TCHH: variants seen among roughly 807,000 people sequenced by gnomAD.
TCHH encodes trichohyalin.
Under a neutral mutation model 6.3 loss-of-function variants are expected in TCHH, and 6 were observed. The observed-to-expected ratio is 0.95, with a 90% CI of 0.52 to 1.88. The LOEUF (loss-of-function observed/expected upper bound fraction) is 1.88. TCHH is among the 40% of genes most tolerant of loss of function. The pLI is 0.01. For missense variants in TCHH, 2,920 were observed against 2,449.1 expected (o/e 1.19, Z -4.06); for synonymous variants, 1,087 against 963.6 (o/e 1.13, Z -2.37).
rs369507275 is a variant in TCHH at position 152,108,826 on chromosome 1, C to T, written c.4391G>A (p.Arg1464His). ...TTCCTGGAGCAGCTGTTCCTCTTCG[C>T]GGAATTTTCTGTGACGCTCCTGGCG... Reference protein sequence around the residue: ...QLRQERHRKFREEEQLLQERE... With the variant: ...QLRQERHRKFHEEEQLLQERE... Residue 1464 changes from arginine (R) to histidine (H), a missense_variant, in exon 3 of 3, where the codon CGC becomes CAC. Transcript: ENST00000614923. 2.2e-5 allele frequency: 36 copies of T among 1,610,524 alleles called. No homozygotes were observed. The East Asian group carries it at 5.6e-4, about 25-fold the overall frequency.
chr1:152,111,452 G>A lies in TCHH; in HGVS notation c.1765C>T (p.Arg589Trp). 1.9e-6 allele frequency: 3 copies of A among 1,607,556 alleles called. No individual in the cohort carries two copies. Among genetic ancestry groups the A allele is most frequent in the Non-Finnish European group, 1.7e-6 (2 of 1,178,532 alleles). ...LKREEERRQQ[R>W]LKREQEERLE... ...CTCTCTTCCTGCTCGCGCTTCAGCC[G>A]CTGCTGGCGCCTCTCCTCCTCGCGC... The change falls in exon 3 of 3, where the codon CGG (arginine) becomes TGG (tryptophan). Residue 589 changes from arginine (R) to tryptophan (W), a missense_variant. Arg to Trp is a moderately radical substitution (Grantham distance 101). Coordinates refer to ENST00000614923, the MANE Select transcript of TCHH (RefSeq NM_007113.4).
In TCHH at chr1:152,110,100, C is replaced by T. The variant is rs775883612; in HGVS notation, c.3117G>A (p.Glu1039=). The change falls in exon 3 of 3, where the codon GAG becomes GAA. Residue 1039 remains glutamate, a synonymous_variant. Coordinates refer to ENST00000614923, the MANE Select transcript of TCHH (RefSeq NM_007113.4). The stretch of plus-strand genomic sequence containing the variant: ...TCTCCCGCTCCTGGAGTCTTCTTTT[C>T]TCCCGTTCCTCTCTCAGCAGCTGCT... ...EEEQLLREER[E]KRRLQERERQ... The T allele has an allele frequency of 4.3e-6, 7 of 1,612,122 alleles. No individual in the cohort carries two copies. Among genetic ancestry groups the T allele is most frequent in the South Asian group, 1.1e-5 (1 of 90,960 alleles).
chr1:152,112,561 C>T lies in TCHH; in HGVS notation c.656G>A (p.Arg219Lys), dbSNP rs1658415200. 1 of 1,613,478 alleles carries T rather than the reference C, an allele frequency of 6.2e-7. No individual in the cohort carries two copies. The highest frequency in any genetic ancestry group is 1.3e-5 in the African/African-American group (1 of 74,884). The change falls in exon 3 of 3, where the codon AGG becomes AAG. Residue 219 changes from arginine to lysine, a missense_variant. Arg to Lys is a conservative substitution (Grantham distance 26). Coordinates refer to ENST00000614923, the MANE Select transcript of TCHH (RefSeq NM_007113.4). The stretch of plus-strand genomic sequence containing the variant: ...CTGTTTCTCCTCGCGGCCCTTCCTC[C>T]TCAGCTCCAGCAGCTCCCGCCTTCG... The part of the protein sequence containing the change: ...QLRRRELLEL[R>K]RKGREEKQQQ...
At position 152,106,750 on chromosome 1, in the gene TCHH, C is replaced by A. The variant is rs1290714779; in HGVS notation, c.*635G>T. Reference sequence around the variant, plus strand: ...GTTTAAAAAAAATCTAATTTAAATTCTAAATCTTCAAAGCTAAACCTATTC... The same window carrying A: ...GTTTAAAAAAAATCTAATTTAAATTATAAATCTTCAAAGCTAAACCTATTC... On this transcript the variant is annotated 3_prime_UTR_variant, in exon 3 of 3. Transcript: ENST00000614923. 6.6e-6 allele frequency: 1 copy of A among 152,156 alleles called. No individual in the cohort carries two copies. The highest frequency in any genetic ancestry group is 2.4e-5 in the African/African-American group (1 of 41,414). The allele number at this position is 152,156 out of a possible 1,614,324, so 9.4% of individuals were successfully genotyped here. A position where few individuals can be genotyped will look rare whatever the true frequency, so the allele number is the denominator to read the frequency against.
At position 152,107,176 on chromosome 1, in the gene TCHH, T is replaced by C; in HGVS notation, c.*209A>G. 2.2e-6 allele frequency: 1 copy of C among 458,466 alleles called. No homozygotes were observed. The highest frequency in any genetic ancestry group is 7.2e-5 in the South Asian group (1 of 13,960). The allele number at this position is 458,466 out of a possible 1,614,324, so 28.4% of individuals were successfully genotyped here. On this transcript the variant is annotated 3_prime_UTR_variant, in exon 3 of 3. Coordinates refer to ENST00000614923, the MANE Select transcript of TCHH (RefSeq NM_007113.4). Reference sequence around the variant, plus strand: ...CATCAAAGAGCAAAAGAAAGACATCTTGCAGTAAAGAACTACTTGAGGAAG... The same window carrying C: ...CATCAAAGAGCAAAAGAAAGACATCCTGCAGTAAAGAACTACTTGAGGAAG...
Position 152,110,919 on chromosome 1 carries a change from G to A in TCHH, c.2298C>T (p.Asp766=), listed in dbSNP as rs375678995. ...CCTCCGCCTGCCACTGCCATGTGAAGTCCCGGCGCTGCTCCTCTTCCTGCT... is the reference window on the plus strand; with the variant it reads ...CCTCCGCCTGCCACTGCCATGTGAAATCCCGGCGCTGCTCCTCTTCCTGCT... The part of the protein sequence containing the change: ...RQQQEEEQRR[D]FTWQWQAEEK... The change falls in exon 3 of 3, where the codon GAC becomes GAT. Residue 766 remains aspartate (D), a synonymous_variant. Transcript: ENST00000614923. The A allele has an allele frequency of 3.1e-5, 50 of 1,612,976 alleles. 1 individual carries two copies. The East Asian group carries it at 1.1e-3, about 35-fold the overall frequency.
Position 152,108,242 on chromosome 1 carries a change from G to C in TCHH, c.4975C>G (p.Gln1659Glu). 1.9e-6 allele frequency: 3 copies of C among 1,598,608 alleles called. No individual in the cohort carries two copies. Among genetic ancestry groups the C allele is most frequent in the South Asian group, 1.1e-5 (1 of 90,416 alleles). The change falls in exon 3 of 3, where the codon CAA (glutamine) becomes GAA (glutamate). Residue 1659 changes from glutamine (Q) to glutamate (E), a missense_variant. Coordinates refer to ENST00000614923, the MANE Select transcript of TCHH (RefSeq NM_007113.4). ...EPQLRRQERE[Q>E]QLRHDRDRKF... Reference sequence around the variant, plus strand: ...CTGTCGCGGTCGTGACGCAGCTGTTGTTCGCGCTCCTGGCGGCGCAGCTGC... The same window carrying C: ...CTGTCGCGGTCGTGACGCAGCTGTTCTTCGCGCTCCTGGCGGCGCAGCTGC...
rs772322710 is a variant in TCHH at position 152,107,510 on chromosome 1, A to AT, written c.5706dup (p.Ser1903IlefsTer30). 1.9e-6 allele frequency: 3 copies of AT among 1,613,982 alleles called. No homozygotes were observed. Among genetic ancestry groups the AT allele is most frequent in the Non-Finnish European group, 2.5e-6 (3 of 1,179,992 alleles). On this transcript the variant is annotated frameshift_variant, in exon 3 of 3. Transcript: ENST00000614923. LOFTEE classifies it high-confidence loss of function. ...CGCCCATGGCCCTTCCCTTCTTGGG[A>AT]TTTTATCTCCCCGACTTGGCGGTGC...
At position 152,108,647 on chromosome 1, in the gene TCHH, G is replaced by T. The variant is rs778009179; in HGVS notation, c.4570C>A (p.Leu1524Met). 6.2e-7 allele frequency: 1 copy of T among 1,611,560 alleles called. No homozygotes were observed. The highest frequency in any genetic ancestry group is 2.2e-5 in the East Asian group (1 of 44,450). The stretch of plus-strand genomic sequence containing the variant: ...TTTCTCTGCCGTTGCTGGCGGTGCA[G>T]CTGCTGTTCCTCCTCGAGGAATTTT... ...ERKFLEEEQQ[L>M]HRQQRQRKFL... The change falls in exon 3 of 3, where the codon CTG (leucine) becomes ATG (methionine). Residue 1524 changes from leucine (L) to methionine (M), a missense_variant. Transcript: ENST00000614923.
At position 152,112,580 on chromosome 1, in the gene TCHH, G is replaced by A. The variant is rs962629036; in HGVS notation, c.637C>T (p.Arg213Trp). The A allele has an allele frequency of 3.1e-6, 5 of 1,613,230 alleles. No individual in the cohort carries two copies. The highest frequency in any genetic ancestry group is 4.2e-6 in the Non-Finnish European group (5 of 1,179,970). Reference protein sequence around the residue: ...EFPDEEQLRRRELLELRRKGR... With the variant: ...EFPDEEQLRRWELLELRRKGR... ...TTCCTCCTCAGCTCCAGCAGCTCCC[G>A]CCTTCGCAGTTGCTCTTCGTCTGGA... The change falls in exon 3 of 3, where the codon CGG becomes TGG. Residue 213 changes from arginine (R) to tryptophan (W), a missense_variant. Arg to Trp is a moderately radical substitution (Grantham distance 101). Coordinates refer to ENST00000614923, the MANE Select transcript of TCHH (RefSeq NM_007113.4).
chr1:152,112,570 AGCAGCTCCC>A lies in TCHH; in HGVS notation c.638_646del (p.Arg213_Leu215del). 1 of 1,613,186 alleles carries A rather than the reference AGCAGCTCCC, an allele frequency of 6.2e-7. No individual in the cohort carries two copies. The highest frequency in any genetic ancestry group is 8.5e-7 in the Non-Finnish European group (1 of 1,179,930). ...CTCGCGGCCCTTCCTCCTCAGCTCC[AGCAGCTCCC>A]GCCTTCGCAGTTGCTCTTCGTCTGG... is the stretch of plus-strand genomic sequence containing the variant. On this transcript the variant is annotated inframe_deletion, in exon 3 of 3. Coordinates refer to ENST00000614923, the MANE Select transcript of TCHH (RefSeq NM_007113.4).
intron 1 of TCHH, among the ~76,000 whole-genome samples, chr1:152,114,412 G>A (rs2101535641): frequency 6.6e-6 from 1 of 152,266 alleles, no homozygotes; most frequent in East Asian, 1.9e-4. Flanking sequence ...CCGTATTTCA[G>A]AGTAGAAAAT....
In TCHH at chr1:152,111,656, G is replaced by A. The variant is rs1290824843; in HGVS notation, c.1561C>T (p.Arg521Cys). The change falls in exon 3 of 3, where the codon CGC becomes TGC. Residue 521 changes from arginine (R) to cysteine (C), a missense_variant. Transcript: ENST00000614923. ...QEERREQRLKRQEEEERLQQR... is the reference protein window; with the variant it reads ...QEERREQRLKCQEEEERLQQR... ...TGGAGCCTCTCTTCCTCCTCCTGGC[G>A]CTTCAGCCGCTGCTCGCGCCTCTCC... 3 of 1,546,784 alleles carry A rather than the reference G, an allele frequency of 1.9e-6. No individual in the cohort carries two copies. Among genetic ancestry groups the A allele is most frequent in the Admixed American group, 3.6e-5 (2 of 55,742 alleles).
chr1:152,111,417 C>T lies in TCHH; in HGVS notation c.1800G>A (p.Gln600=). 6.2e-7 allele frequency: 1 copy of T among 1,611,220 alleles called. No individual in the cohort carries two copies. The highest frequency in any genetic ancestry group is 8.5e-7 in the Non-Finnish European group (1 of 1,179,240). ...TCTCCACCTCCTCGCGCTTCAGTCG[C>T]TGCTCGAGCCTCTCTTCCTGCTCGC... ...LKREQEERLE[Q]RLKREEVERL... The change falls in exon 3 of 3, where the codon CAG becomes CAA. Residue 600 remains glutamine, a synonymous_variant. Coordinates refer to ENST00000614923, the MANE Select transcript of TCHH (RefSeq NM_007113.4).
In TCHH at chr1:152,109,175, T is replaced by A. The variant is rs1472238369; in HGVS notation, c.4042A>T (p.Arg1348Trp). 5 of 1,613,602 alleles carry A rather than the reference T, an allele frequency of 3.1e-6. No individual in the cohort carries two copies. The highest frequency in any genetic ancestry group is 2.5e-6 in the Non-Finnish European group (3 of 1,179,730). ...FREEEQLLQE[R>W]EEQPLRRQER... is the part of the protein sequence containing the mutation. ...TGGCGGCGCAGCGGCTGTTCCTCCC[T>A]TTCCTGGAGCAGCTGTTCCTCCTCG... The change falls in exon 3 of 3, where the codon AGG (arginine) becomes TGG (tryptophan). Residue 1348 changes from arginine to tryptophan, a missense_variant. Arg to Trp is a moderately radical substitution (Grantham distance 101). Transcript: ENST00000614923.
chr1:152,112,754 T>G lies in TCHH; in HGVS notation c.463A>C (p.Ser155Arg). The change falls in exon 3 of 3, where the codon AGT becomes CGT. Residue 155 changes from serine to arginine, a missense_variant. Ser to Arg is a moderately radical substitution (Grantham distance 110). Coordinates refer to ENST00000614923, the MANE Select transcript of TCHH (RefSeq NM_007113.4). ...ERELAEGEEQ[S>R]EKQERLEQRD... ...TGTTCAAGTCGCTCTTGTTTCTCAC[T>G]TTGCTCCTCTCCCTCAGCTAGCTCC... The G allele has an allele frequency of 6.2e-6, 10 of 1,614,042 alleles. No homozygotes were observed. Among genetic ancestry groups the G allele is most frequent in the Non-Finnish European group, 7.6e-6 (9 of 1,180,010 alleles).
At position 152,107,393 on chromosome 1, in the gene TCHH, G is replaced by C. The variant is rs747846742; in HGVS notation, c.5824C>G (p.Arg1942Gly). ...EYIQEQRSQY[R>G]P is the part of the protein sequence containing the mutation. ...GATATTGGCAACATCACTTAAGGGC[G>C]GTATTGAGATCTCTGCTCTTGGATG... The change falls in exon 3 of 3, where the codon CGC becomes GGC. Residue 1942 changes from arginine (R) to glycine (G), a missense_variant. By Grantham distance (125) the Arg-to-Gly change is moderately radical. Coordinates refer to ENST00000614923, the MANE Select transcript of TCHH (RefSeq NM_007113.4). 6.4e-7 allele frequency: 1 copy of C among 1,557,586 alleles called. No individual in the cohort carries two copies. Among genetic ancestry groups the C allele is most frequent in the South Asian group, 1.2e-5 (1 of 82,652 alleles).
At position 152,114,076 on chromosome 1, in the gene TCHH, G is replaced by A; in HGVS notation, c.5C>T (p.Ser2Phe). Residue 2 changes from serine (S) to phenylalanine (F), a missense_variant, in exon 2 of 3, where the codon TCT becomes TTT. Ser to Phe is a radical substitution (Grantham distance 155, BLOSUM62 -2). Coordinates refer to ENST00000614923, the MANE Select transcript of TCHH (RefSeq NM_007113.4). ...GTCACAGATGCTTCTCAGAAGTGGA[G>A]ACATTTTTTTTTCTTTCCTTCAAGT... The part of the protein sequence containing the change: M[S>F]PLLRSICDIT... 1 of 1,599,320 alleles carries A rather than the reference G, an allele frequency of 6.3e-7. No homozygotes were observed. The highest frequency in any genetic ancestry group is 8.5e-7 in the Non-Finnish European group (1 of 1,176,246).
chr1:152,108,106 T>A lies in TCHH; in HGVS notation c.5111A>T (p.Glu1704Val), dbSNP rs776286620. Residue 1704 changes from glutamate to valine, a missense_variant, in exon 3 of 3, where the codon GAA becomes GTA. Glu to Val is a moderately radical substitution (Grantham distance 121). Transcript: ENST00000614923. ...REEEQQLRRQ[E>V]RERKFLQEEQ... Reference sequence around the variant, plus strand: ...CTCCTGGAGGAATTTTCTCTCTCGTTCCTGACGGCGGAGCTGCTGTTCCTC... The same window carrying A: ...CTCCTGGAGGAATTTTCTCTCTCGTACCTGACGGCGGAGCTGCTGTTCCTC... The A allele has an allele frequency of 6.2e-7, 1 of 1,613,174 alleles. No individual in the cohort carries two copies. The highest frequency in any genetic ancestry group is 1.7e-5 in the Admixed American group (1 of 59,984).
Sources: gnomAD v4.1 joint callset for allele counts (sites outside exome capture counted in the v4.1 genomes callset) on GRCh38, gnomAD v4.1.1 for gene constraint, MANE v1.5 for transcripts, NCBI Gene and HGNC (gene_info 2026-07-23, HGNC 2026-07-21) for gene names.